Variants in VSTM2L observed in about 807,000 individuals in gnomAD.
The protein encoded by VSTM2L is V-set and transmembrane domain-containing protein 2-like protein.
In VSTM2L, 9 loss-of-function variants were observed where a neutral mutation model predicts 19.9. The ratio of observed to expected loss-of-function variants is 0.45; its 90% CI spans 0.27 to 0.79. VSTM2L has a LOEUF of 0.79. Ranked by LOEUF, VSTM2L falls within the 30% of genes least tolerant of loss-of-function variation. The probability of loss-of-function intolerance (pLI) is 0.15; values close to 1 mark genes in which losing one functional copy is unlikely to be tolerated. For missense variants in VSTM2L, 286 were observed against 295.5 expected (o/e 0.97, Z 0.24); for synonymous variants, 127 against 133.8 (o/e 0.95, Z 0.35).
At chr20:37,908,049 T>C (rs779209469) in intron 1 of VSTM2L, among the ~76,000 whole-genome samples, 4 of 152,234 alleles carry the variant, frequency 2.6e-5, no homozygotes, top group Non-Finnish European at 4.4e-5. Flanking sequence ...ATTCTATCAA[T>C]TACGCCTGTA....
At chr20:37,939,620 G>A (rs773474936) in intron 3 of VSTM2L, among the ~76,000 whole-genome samples, 5 of 152,170 alleles carry the variant, frequency 3.3e-5, no homozygotes, top group East Asian at 3.9e-4. Context: ...GGAGGGAGTC[G>A]TGTCTGACAT....
At position 37,945,163 on chromosome 20, in the gene VSTM2L, G is replaced by C; in HGVS notation, c.*910G>C. 1 of 985,556 alleles carries C rather than the reference G, an allele frequency of 1.0e-6. No individual in the cohort carries two copies. The highest frequency in any genetic ancestry group is 1.2e-6 in the Non-Finnish European group (1 of 829,924). 61.1% of individuals were successfully genotyped at this position (985,556 alleles called of 1,614,324 possible). A position where few individuals can be genotyped will look rare whatever the true frequency, so the allele number is the denominator to read the frequency against. On this transcript the variant is annotated 3_prime_UTR_variant, in exon 4 of 4. Transcript: ENST00000373461. The stretch of plus-strand genomic sequence containing the variant: ...CGATCACGGGCACACCTGCCCCCTG[G>C]TTATTTGTAAATATTTCTATTGGAC...
At chr20:37,929,920 A>C (rs953193828) in intron 1 of VSTM2L, among the ~76,000 whole-genome samples, 2 of 152,108 alleles carry the variant, frequency 1.3e-5, no homozygotes, top group Non-Finnish European at 2.9e-5. Context: ...ATTGCCTCTT[A>C]CTTAGTGGGG....
At chr20:37,927,296 ATT>A (rs780879363) in intron 1 of VSTM2L, among the ~76,000 whole-genome samples, 3 of 152,190 alleles carry the variant, frequency 2.0e-5, no homozygotes, top group Admixed American at 6.5e-5. Context: ...TGTTCAAATA[ATT>A]TTTTGATATC....
In VSTM2L at chr20:37,945,073, C is replaced by T; in HGVS notation, c.*820C>T. The T allele has an allele frequency of 4.1e-6, 4 of 985,810 alleles. No individual in the cohort carries two copies. The highest frequency in any genetic ancestry group is 4.8e-6 in the Non-Finnish European group (4 of 829,916). 61.1% of individuals were successfully genotyped at this position (985,810 alleles called of 1,614,324 possible). Reference sequence around the variant, plus strand: ...CTCCCTCTTGGGTCCTGTGCCAAGTCCGCCCCAGGGCCTGGGGCTGTTGGG... The same window carrying T: ...CTCCCTCTTGGGTCCTGTGCCAAGTTCGCCCCAGGGCCTGGGGCTGTTGGG... On this transcript the variant is annotated 3_prime_UTR_variant, in exon 4 of 4. Coordinates refer to ENST00000373461, the MANE Select transcript of VSTM2L (RefSeq NM_080607.3).
intron 1 of VSTM2L, among the ~76,000 whole-genome samples, chr20:37,920,372 G>A (rs1055031569): frequency 6.6e-6 from 1 of 152,270 alleles, no homozygotes; most frequent in Non-Finnish European, 1.5e-5. Flanking sequence ...TCAGAAAGAT[G>A]ATGCCACGGG....
chr20:37,922,835 T>C (rs771094620), intron 1 of VSTM2L, among the ~76,000 whole-genome samples: 14 of 152,056 alleles, frequency 9.2e-5, no homozygotes, highest in Non-Finnish European at 1.6e-4. Context: ...CCAGGAGCCA[T>C]GGGAGCACCA....
At chr20:37,914,359 T>C (rs1373806172) in intron 1 of VSTM2L, among the ~76,000 whole-genome samples, 6 of 149,464 alleles carry the variant, frequency 4.0e-5, no homozygotes, top group Non-Finnish European at 9.0e-5. Context: ...GTGTGTGGGG[T>C]GTTTATATAT....
chr20:37,944,140 A>G lies in VSTM2L; in HGVS notation c.502A>G (p.Asn168Asp), dbSNP rs139453151. The G allele has an allele frequency of 3.1e-4, 498 of 1,607,576 alleles. No homozygotes were observed. Among genetic ancestry groups the G allele is most frequent in the Non-Finnish European group, 4.0e-4 (465 of 1,176,974 alleles). ...KAYLRVQPGENSVLHLPEAPP... is the reference protein window; with the variant it reads ...KAYLRVQPGEDSVLHLPEAPP... ...CTACCTGCGGGTGCAGCCAGGGGAG[A>G]ACTCCGTCCTGCATCTGCCCGAAGC... Residue 168 changes from asparagine to aspartate, a missense_variant, in exon 4 of 4, where the codon AAC (asparagine) becomes GAC (aspartate). By Grantham distance (23) the Asn-to-Asp change is conservative. Coordinates refer to ENST00000373461, the MANE Select transcript of VSTM2L (RefSeq NM_080607.3).
chr20:37,941,793 CAG>C (rs1334504179), intron 3 of VSTM2L, among the ~76,000 whole-genome samples: 2 of 151,016 alleles, frequency 1.3e-5, no homozygotes, highest in South Asian at 2.1e-4. Flanking sequence ...CCAGGCAGGA[CAG>C]GGGCTGCAGG....
In VSTM2L at chr20:37,940,891, C is replaced by T. The variant is rs147025324; in HGVS notation, c.343-3090C>T. ...TCTTGTGAGAACTCACTCACTATCA[C>T]GAGAACAGCATGGAGAAAACTGTCC... On this transcript the variant is annotated intron_variant, in intron 3 of 3. Transcript: ENST00000373461. 1.1e-4 allele frequency among the ~76,000 whole-genome samples: 16 copies of T among 152,326 alleles called. No homozygotes were observed. The East Asian group carries it at 2.1e-3, about 20-fold the overall frequency.
In VSTM2L at chr20:37,927,798, G is replaced by A. The variant is rs542922468; in HGVS notation, c.122-3837G>A. On this transcript the variant is annotated intron_variant, in intron 1 of 3. Coordinates refer to ENST00000373461, the MANE Select transcript of VSTM2L (RefSeq NM_080607.3). ...ACCCCAGCGGAGCCTCCACCCAAGGGCGGCCCTCTCTGTTCTCCTCCCACT... is the reference window on the plus strand; with the variant it reads ...ACCCCAGCGGAGCCTCCACCCAAGGACGGCCCTCTCTGTTCTCCTCCCACT... Among the ~76,000 whole-genome samples the A allele has an allele frequency of 1.2e-3, 180 of 152,256 alleles. 1 individual carries two copies. Among genetic ancestry groups the A allele is most frequent in the African/African-American group, 4.2e-3 (174 of 41,552 alleles).
At chr20:37,903,591 C>T (rs1282515807) in intron 1 of VSTM2L, 120 bp downstream of exon 1, 3 of 1,295,892 alleles carry the variant, frequency 2.3e-6, no homozygotes, top group Non-Finnish European at 2.9e-6. Flanking sequence ...TCCCGGGGCG[C>T]CCCCTGCCGG....
At chr20:37,929,161 AG>A (rs1270761007) in intron 1 of VSTM2L, among the ~76,000 whole-genome samples, 5 of 152,164 alleles carry the variant, frequency 3.3e-5, no homozygotes, top group African/African-American at 1.2e-4. Flanking sequence ...GTCCTGTGGC[AG>A]GAGAGGGAGG....
intron 3 of VSTM2L, among the ~76,000 whole-genome samples, chr20:37,943,363 A>G (rs890443294): frequency 2.0e-5 from 3 of 151,328 alleles, no homozygotes; most frequent in African/African-American, 7.3e-5. Flanking sequence ...CAAGCCTCAA[A>G]CTCCTGGGCT....
At chr20:37,909,243 G>A (rs1189984707) in intron 1 of VSTM2L, among the ~76,000 whole-genome samples, 1 of 152,206 alleles carries the variant, frequency 6.6e-6, no homozygotes, top group Non-Finnish European at 1.5e-5. Flanking sequence ...CTCGATTTTC[G>A]AAAGCATGGG....
At chr20:37,941,743 T>A (rs1221393849) in intron 3 of VSTM2L, among the ~76,000 whole-genome samples, 1 of 151,100 alleles carries the variant, frequency 6.6e-6, no homozygotes, top group Non-Finnish European at 1.5e-5. Context: ...GGGAAGGGGG[T>A]CAGTGGCTGG....
Position 37,944,885 on chromosome 20 carries a change from C to G in VSTM2L, c.*632C>G. On this transcript the variant is annotated 3_prime_UTR_variant, in exon 4 of 4. Transcript: ENST00000373461. The stretch of plus-strand genomic sequence containing the variant: ...CTCCCTGTGCGACCCTCCAGGGATG[C>G]AGGGGATCCAGGATTCTCTGCCCTG... 1.0e-6 allele frequency: 1 copy of G among 985,938 alleles called. No individual in the cohort carries two copies. Among genetic ancestry groups the G allele is most frequent in the Non-Finnish European group, 1.2e-6 (1 of 830,030 alleles). The allele number at this position is 985,938 out of a possible 1,614,324, so 61.1% of individuals were successfully genotyped here.
intron 1 of VSTM2L, among the ~76,000 whole-genome samples, chr20:37,914,315 T>G (rs1337680448): frequency 6.9e-6 from 1 of 145,714 alleles, no homozygotes; most frequent in African/African-American, 2.5e-5. Flanking sequence ...TGCATCTGTG[T>G]GTATGTGTGT....
Sources: allele counts gnomAD v4.1 joint callset (sites outside exome capture counted in the v4.1 genomes callset), GRCh38; gene constraint gnomAD v4.1.1; transcripts MANE v1.5; gene names NCBI Gene and HGNC (gene_info 2026-07-23, HGNC 2026-07-21).